The following ARB2A variants were observed in gnomAD, a reference collection of about 807,000 sequenced individuals.
The protein encoded by ARB2A is ARB2 cotranscriptional regulator A.
At chr5:93,840,010 A>C in the ARB2A span, among the ~76,000 whole-genome samples, 9 of 151,966 alleles carry the variant, frequency 5.9e-5, no homozygotes, top group Non-Finnish European at 1.0e-4. Flanking sequence ...TTCATGTCTC[A>C]ATTTCCTTCA....
At chr5:93,785,800 A>C in the ARB2A span, among the ~76,000 whole-genome samples, 1 of 152,178 alleles carries the variant, frequency 6.6e-6, no homozygotes, top group Non-Finnish European at 1.5e-5. Context: ...TTATCCTGCA[A>C]TACCAATAAT....
chr5:93,879,610 A>T, the ARB2A span, among the ~76,000 whole-genome samples: 4 of 151,874 alleles, frequency 2.6e-5, no homozygotes, highest in Non-Finnish European at 4.4e-5. Flanking sequence ...AAAATAGATG[A>T]GAGGAAAAAC....
the ARB2A span, among the ~76,000 whole-genome samples, chr5:93,626,956 C>T: frequency 6.6e-6 from 1 of 152,144 alleles, no homozygotes; most frequent in South Asian, 2.1e-4. Context: ...TTAGTCAATC[C>T]TTTCAAACCT....
the ARB2A span, among the ~76,000 whole-genome samples, chr5:93,926,836 A>C: frequency 6.6e-6 from 1 of 151,828 alleles, no homozygotes; most frequent in African/African-American, 2.4e-5. Context: ...ATGATTGGCC[A>C]GGAGAGAAAC....
At chr5:93,669,302 T>C in the ARB2A span, among the ~76,000 whole-genome samples, 1 of 152,158 alleles carries the variant, frequency 6.6e-6, no homozygotes, top group East Asian at 1.9e-4. Context: ...ATTAAGGATG[T>C]GGTTTCCAGA....
chr5:93,844,361 T>C, the ARB2A span, among the ~76,000 whole-genome samples: 3 of 151,952 alleles, frequency 2.0e-5, no homozygotes, highest in Non-Finnish European at 4.4e-5. Context: ...GGAGGATCAT[T>C]TGAGTCCAGG....
chr5:93,955,140 C>T, the ARB2A span, among the ~76,000 whole-genome samples: 7 of 152,068 alleles, frequency 4.6e-5, no homozygotes, highest in South Asian at 2.1e-4. Context: ...ACCGGATTTT[C>T]GGTTTTTATG....
the ARB2A span, among the ~76,000 whole-genome samples, chr5:93,879,655 A>G: frequency 1.6e-4 from 24 of 152,030 alleles, no homozygotes; most frequent in Non-Finnish European, 2.7e-4. Flanking sequence ...AAGAAAATGC[A>G]TGCATAAAGA....
chr5:93,737,896 A>G, the ARB2A span: 1 of 445,670 alleles, frequency 2.2e-6, no homozygotes, highest in Admixed American at 2.5e-5. Flanking sequence ...AGAAGAAAAC[A>G]CAGGAGCAAA....
the ARB2A span, among the ~76,000 whole-genome samples, chr5:93,674,747 G>A: frequency 6.6e-6 from 1 of 152,188 alleles, no homozygotes; most frequent in Non-Finnish European, 1.5e-5. Context: ...CATTATGCTT[G>A]TAGTGTGCTA....
At chr5:93,640,627 T>C in the ARB2A span, among the ~76,000 whole-genome samples, 2 of 149,548 alleles carry the variant, frequency 1.3e-5, no homozygotes, top group Non-Finnish European at 2.9e-5. Flanking sequence ...TATATACATA[T>C]GTGTGTGTAT....
At chr5:94,104,247 A>G in the ARB2A span, among the ~76,000 whole-genome samples, 1 of 151,900 alleles carries the variant, frequency 6.6e-6, no homozygotes, top group African/African-American at 2.4e-5. Context: ...TAAGATTGAC[A>G]GACCACTAGC....
At chr5:93,629,530 T>G in the ARB2A span, among the ~76,000 whole-genome samples, 1 of 150,640 alleles carries the variant, frequency 6.6e-6, no homozygotes, top group African/African-American at 2.4e-5. Context: ...TGCCTGTAAT[T>G]TTAACAATCT....
the ARB2A span, among the ~76,000 whole-genome samples, chr5:94,026,795 G>A: frequency 1.3e-5 from 2 of 152,082 alleles, no homozygotes; most frequent in East Asian, 3.9e-4. Flanking sequence ...CTTGAAGGTT[G>A]GACCCGCCCC....
At chr5:93,686,987 T>C in the ARB2A span, among the ~76,000 whole-genome samples, 1 of 151,870 alleles carries the variant, frequency 6.6e-6, no homozygotes, top group Admixed American at 6.6e-5. Context: ...ACGAAAAACG[T>C]TGGCTTAGAA....
chr5:93,689,622 A>G, the ARB2A span, among the ~76,000 whole-genome samples: 10 of 152,124 alleles, frequency 6.6e-5, no homozygotes, highest in African/African-American at 2.4e-4. Flanking sequence ...AGAAATGTGG[A>G]TATGTGGCAG....
the ARB2A span, among the ~76,000 whole-genome samples, chr5:93,963,364 T>A: frequency 6.6e-6 from 1 of 152,020 alleles, no homozygotes; most frequent in Non-Finnish European, 1.5e-5. Context: ...TTACACAGAA[T>A]AATATTTTAT....
the ARB2A span, among the ~76,000 whole-genome samples, chr5:93,940,460 C>A: frequency 1.3e-5 from 2 of 151,792 alleles, no homozygotes; most frequent in Admixed American, 6.6e-5. Flanking sequence ...GTAGATATGT[C>A]TTTTTCATAT....
At chr5:93,889,159 C>A in the ARB2A span, among the ~76,000 whole-genome samples, 1 of 151,470 alleles carries the variant, frequency 6.6e-6, no homozygotes, top group East Asian at 1.9e-4. Context: ...GCTCCTAAAA[C>A]CAGGCTAACT....
Sources: gnomAD v4.1 joint callset for allele counts (sites outside exome capture counted in the v4.1 genomes callset) on GRCh38, gnomAD v4.1.1 for gene constraint, MANE v1.5 for transcripts, NCBI Gene and HGNC (gene_info 2026-07-23, HGNC 2026-07-21) for gene names.